Variants in FNDC3B observed in about 807,000 individuals in gnomAD.
FNDC3B encodes the protein fibronectin type III domain-containing protein 3B.
Under a neutral mutation model 151.5 loss-of-function variants are expected in FNDC3B, and 12 were observed. That is an observed-to-expected ratio of 0.08 (90% CI 0.05 to 0.13). The LOEUF is 0.13. Among genes scored for constraint, FNDC3B ranks in the 10% least tolerant of loss-of-function variants. The pLI is 1.00. For synonymous variants in FNDC3B, 528 were observed against 549.0 expected, an observed-to-expected ratio of 0.96 and a Z score of 0.54; for missense variants, 1,214 against 1,505.3, an observed-to-expected ratio of 0.81 and a Z score of 3.20.
At chr3:172,278,559 C>T (rs1729546607) in intron 6 of FNDC3B, among the ~76,000 whole-genome samples, 2 of 152,188 alleles carry the variant, frequency 1.3e-5, no homozygotes, top group Non-Finnish European at 2.9e-5. Context: ...TCTTGTCAAG[C>T]AAACATATCT....
At position 172,398,352 on chromosome 3, in the gene FNDC3B, G is replaced by T. The variant is rs1736396686; in HGVS notation, c.*877G>T. On this transcript the variant is annotated 3_prime_UTR_variant, in exon 26 of 26. Transcript: ENST00000415807. ...GACCAGAATTATATGACAAGAACTG[G>T]TGACAGTTTAGTGCCTCTGCCCATT... The T allele has an allele frequency of 6.6e-6, 1 of 152,604 alleles. No individual in the cohort carries two copies. The highest frequency in any genetic ancestry group is 2.4e-5 in the African/African-American group (1 of 41,436). The allele number at this position is 152,604 out of a possible 1,614,324, so 9.5% of individuals were successfully genotyped here.
chr3:172,178,445 C>A (rs1723720137), intron 3 of FNDC3B, among the ~76,000 whole-genome samples: 1 of 152,066 alleles, frequency 6.6e-6, no homozygotes, highest in Admixed American at 6.6e-5. Context: ...GAGAAGATCA[C>A]ATGTTTTACT....
intron 7 of FNDC3B, 80 bp downstream of exon 7, chr3:172,286,064 A>G (rs1476826325): frequency 2.0e-6 from 2 of 1,021,668 alleles, no homozygotes; most frequent in South Asian, 1.4e-5. Flanking sequence ...TCCACCACAC[A>G]GTAGGTAAGG....
At chr3:172,313,783 G>A (rs985966720) in intron 11 of FNDC3B, among the ~76,000 whole-genome samples, 3 of 152,108 alleles carry the variant, frequency 2.0e-5, no homozygotes, top group Non-Finnish European at 2.9e-5. Context: ...TGGTGCTATC[G>A]GGTTTCCTGG....
intron 3 of FNDC3B, among the ~76,000 whole-genome samples, chr3:172,177,676 G>A (rs1216962001): frequency 9.2e-6 from 1 of 109,262 alleles, no homozygotes; most frequent in East Asian, 2.7e-4. Flanking sequence ...GCTTAGAAAG[G>A]AACTTTTTCT....
chr3:172,368,553 C>T (rs566875), intron 23 of FNDC3B, among the ~76,000 whole-genome samples: 49 of 152,120 alleles, frequency 3.2e-4, no homozygotes, highest in African/African-American at 1.2e-3. Flanking sequence ...TCATGATTCT[C>T]GACATGGGTA....
chr3:172,370,318 CT>C (rs1734827024), intron 23 of FNDC3B, among the ~76,000 whole-genome samples: 1 of 152,196 alleles, frequency 6.6e-6, no homozygotes, highest in Admixed American at 6.5e-5. Context: ...ACATTTCCCC[CT>C]ATAGTGATTT....
intron 2 of FNDC3B, among the ~76,000 whole-genome samples, chr3:172,130,420 A>G (rs1365456239): frequency 6.6e-6 from 1 of 152,164 alleles, no homozygotes; most frequent in Non-Finnish European, 1.5e-5. Flanking sequence ...TACATGAACT[A>G]AACATTTGAA....
intron 12 of FNDC3B, 178 bp downstream of exon 12, chr3:172,329,254 C>G: frequency 1.5e-6 from 1 of 675,828 alleles, no homozygotes; most frequent in Non-Finnish European, 2.5e-6. Context: ...GTGAATGTCA[C>G]TATGGCCTCT....
rs895476753 is a variant in FNDC3B, at chr3:172,352,382, C to T, written c.2515-421C>T. Among the ~76,000 whole-genome samples the T allele has an allele frequency of 2.6e-5, 4 of 152,078 alleles. No individual in the cohort carries two copies. The highest frequency in any genetic ancestry group is 5.9e-5 in the Non-Finnish European group (4 of 68,016). The stretch of plus-strand genomic sequence containing the variant: ...CTCTAGACTTAAAAGTCAGATGAAC[C>T]GGATTCCGGTCCCAGCTTTGCCTCT... On this transcript the variant is annotated intron_variant, in intron 21 of 25. Transcript: ENST00000415807. The surrounding 1 kb of genome is among the most constrained non-coding windows in gnomAD (Gnocchi z 4.2).
At chr3:172,388,237 G>A (rs761592798) in intron 25 of FNDC3B, among the ~76,000 whole-genome samples, 5 of 152,044 alleles carry the variant, frequency 3.3e-5, no homozygotes, top group Non-Finnish European at 5.9e-5. Context: ...TTCCCAAAAA[G>A]CTCCCTGTTA....
chr3:172,309,842 G>A (rs1731378682), intron 10 of FNDC3B, among the ~76,000 whole-genome samples: 1 of 152,158 alleles, frequency 6.6e-6, no homozygotes, highest in African/African-American at 2.4e-5. Flanking sequence ...CATGAAATTA[G>A]TTGTTGATAT....
intron 4 of FNDC3B, among the ~76,000 whole-genome samples, chr3:172,233,789 C>G (rs1328945527): frequency 6.6e-6 from 1 of 152,168 alleles, no homozygotes. Context: ...GAATTGGATT[C>G]TCTTTCAACA....
At chr3:172,272,021 G>T (rs140571925) in intron 6 of FNDC3B, among the ~76,000 whole-genome samples, 1 of 152,278 alleles carries the variant, frequency 6.6e-6, no homozygotes, top group Non-Finnish European at 1.5e-5. Context: ...TGTTACTAGG[G>T]TCTAGATCAC....
intron 3 of FNDC3B, among the ~76,000 whole-genome samples, chr3:172,221,284 T>C (rs1258779885): frequency 6.6e-6 from 1 of 152,234 alleles, no homozygotes; most frequent in Admixed American, 6.5e-5. Context: ...TCTTGCCTAA[T>C]TGTTCTGGCT....
intron 3 of FNDC3B, among the ~76,000 whole-genome samples, chr3:172,181,104 C>CA (rs75568561): frequency 0.82 from 124,713 of 151,996 alleles, 51,803 homozygotes; most frequent in African/African-American, 0.95. Flanking sequence ...TAGATATATT[C>CA]TAAGATGACA....
At chr3:172,192,003 C>T (rs1210806365) in intron 3 of FNDC3B, among the ~76,000 whole-genome samples, 1 of 152,004 alleles carries the variant, frequency 6.6e-6, no homozygotes, top group African/African-American at 2.4e-5. Flanking sequence ...CATATGTTAC[C>T]AGACCTATAA....
chr3:172,066,723 G>A (rs534758417), intron 1 of FNDC3B, among the ~76,000 whole-genome samples: 4 of 152,288 alleles, frequency 2.6e-5, no homozygotes, highest in Admixed American at 6.5e-5. Context: ...TTGTGTTTTC[G>A]AAGAAAATGC....
chr3:172,151,021 C>T (rs955879082), intron 3 of FNDC3B, among the ~76,000 whole-genome samples: 1 of 152,104 alleles, frequency 6.6e-6, no homozygotes, highest in Non-Finnish European at 1.5e-5. Flanking sequence ...ATTCAATCTC[C>T]TTAGTTGTAG....
Sources: gnomAD v4.1 joint callset for allele counts (sites outside exome capture counted in the v4.1 genomes callset) on GRCh38, gnomAD v4.1.1 for gene constraint, Gnocchi (gnomAD v3.1) non-coding constraint, MANE v1.5 for transcripts, NCBI Gene and HGNC (gene_info 2026-07-23, HGNC 2026-07-21) for gene names.